Variants in ST8SIA1 observed in about 807,000 individuals in gnomAD.
ST8SIA1 encodes the protein ST8 alpha-N-acetyl-neuraminide alpha-2,8-sialyltransferase 1.
In ST8SIA1, 16 loss-of-function variants were observed where a neutral mutation model predicts 35.9. The observed-to-expected ratio is 0.45, with a 90% CI of 0.30 to 0.68. The LOEUF is 0.68. ST8SIA1 is among the 30% of genes least tolerant of loss of function. The probability of loss-of-function intolerance (pLI) is 0.09; values close to 1 mark genes in which losing one functional copy is unlikely to be tolerated. For synonymous variants in ST8SIA1, 170 were observed against 169.6 expected (o/e 1.00, Z -0.02); for missense variants, 383 against 453.6 (o/e 0.84, Z 1.41).
chr12:22,213,233 G>C (rs1865194549), intron 4 of ST8SIA1, among the ~76,000 whole-genome samples: 1 of 152,092 alleles, frequency 6.6e-6, no homozygotes, highest in Non-Finnish European at 1.5e-5. Context: ...CAGTTCTCAA[G>C]GAAGTGAATT....
intron 1 of ST8SIA1, among the ~76,000 whole-genome samples, chr12:22,301,868 G>C (rs1269575738): frequency 3.3e-5 from 5 of 151,986 alleles, no homozygotes; most frequent in Non-Finnish European, 7.4e-5. Context: ...CCAACTCATA[G>C]GTATTTGATG....
intron 1 of ST8SIA1, among the ~76,000 whole-genome samples, chr12:22,308,750 G>A (rs926850624): frequency 3.9e-5 from 6 of 152,032 alleles, no homozygotes; most frequent in African/African-American, 4.8e-5. Context: ...CATCCTGATC[G>A]CTGAAGCATT....
chr12:22,197,664 C>T lies in ST8SIA1; in HGVS notation c.*3888G>A, dbSNP rs947963559. On this transcript the variant is annotated 3_prime_UTR_variant, in exon 5 of 5. Coordinates refer to ENST00000396037, the MANE Select transcript of ST8SIA1 (RefSeq NM_003034.4). ...GGTATTTTTGGCAAATTTAAAATCC[C>T]AGGATTTTTTCAGTTATTTTCCATT... 4.6e-5 allele frequency: 7 copies of T among 152,128 alleles called. No homozygotes were observed. 9.4% of individuals were successfully genotyped at this position (152,128 alleles called of 1,614,324 possible). A position where few individuals can be genotyped will look rare whatever the true frequency, so the allele number is the denominator to read the frequency against.
intron 4 of ST8SIA1, among the ~76,000 whole-genome samples, chr12:22,213,408 T>C (rs1275294735): frequency 6.6e-6 from 1 of 152,206 alleles, no homozygotes; most frequent in Non-Finnish European, 1.5e-5. Flanking sequence ...TGCAAGCTTT[T>C]AAAATACTTG....
intron 2 of ST8SIA1, among the ~76,000 whole-genome samples, chr12:22,282,832 C>T (rs1174805731): frequency 6.6e-6 from 1 of 151,952 alleles, no homozygotes; most frequent in Non-Finnish European, 1.5e-5. Flanking sequence ...AGATATATGT[C>T]ACGGGAAATG....
intron 4 of ST8SIA1, among the ~76,000 whole-genome samples, chr12:22,224,830 A>G (rs1160783): frequency 0.64 from 96,768 of 151,998 alleles, 31,154 homozygotes; most frequent in South Asian, 0.82. Context: ...GATCCCCAGA[A>G]AGTTCACACC....
At chr12:22,249,716 T>G (rs1467681460) in intron 3 of ST8SIA1, among the ~76,000 whole-genome samples, 1 of 152,176 alleles carries the variant, frequency 6.6e-6, no homozygotes, top group Non-Finnish European at 1.5e-5. Flanking sequence ...TAGGAGGTAT[T>G]TATTCCATTC....
chr12:22,203,504 G>A (rs897196227), intron 4 of ST8SIA1, among the ~76,000 whole-genome samples: 5 of 152,210 alleles, frequency 3.3e-5, no homozygotes, highest in African/African-American at 1.2e-4. Context: ...AAGGCCAGAA[G>A]GAAGGGAAAT....
At chr12:22,301,514 G>A (rs1489450746) in intron 1 of ST8SIA1, among the ~76,000 whole-genome samples, 1 of 152,016 alleles carries the variant, frequency 6.6e-6, no homozygotes, top group African/African-American at 2.4e-5. Flanking sequence ...CTCTCCACCT[G>A]ATTTCTCCAG....
chr12:22,215,313 T>C (rs1183756795), intron 4 of ST8SIA1, among the ~76,000 whole-genome samples: 1 of 152,208 alleles, frequency 6.6e-6, no homozygotes, highest in Non-Finnish European at 1.5e-5. Flanking sequence ...TTTGGATTCA[T>C]TCACACTCCT....
intron 2 of ST8SIA1, among the ~76,000 whole-genome samples, chr12:22,264,381 G>A (rs1274616109): frequency 1.3e-5 from 2 of 152,064 alleles, no homozygotes; most frequent in East Asian, 3.9e-4. Context: ...TTCAGTTAAG[G>A]ACTGGCAAAT....
chr12:22,237,629 T>C (rs534092619), intron 4 of ST8SIA1, among the ~76,000 whole-genome samples: 2 of 151,958 alleles, frequency 1.3e-5, no homozygotes, highest in East Asian at 3.9e-4. Flanking sequence ...TTGTATAGTA[T>C]ACCATCAATA....
rs528322621 is a variant in ST8SIA1, at chr12:22,209,364, G to A, written c.585-7326C>T. ...GATGTAGAACTGCCAAATCCGAGAT[G>A]AGGAAATTCAAAGGGCCAATATGCA... On this transcript the variant is annotated intron_variant, in intron 4 of 4. Transcript: ENST00000396037. 1.1e-3 allele frequency among the ~76,000 whole-genome samples: 165 copies of A among 152,238 alleles called. 1 individual carries two copies. Among genetic ancestry groups the A allele is most frequent in the African/African-American group, 3.8e-3 (158 of 41,558 alleles).
Position 22,201,695 on chromosome 12 carries a change from G to A in ST8SIA1, c.928C>T (p.His310Tyr). 6.2e-7 allele frequency: 1 copy of A among 1,614,108 alleles called. No individual in the cohort carries two copies. The highest frequency in any genetic ancestry group is 8.5e-7 in the Non-Finnish European group (1 of 1,179,990). The change falls in exon 5 of 5, where the codon CAC becomes TAC. Residue 310 changes from histidine (H) to tyrosine (Y), a missense_variant. Physicochemically the swap from His to Tyr is moderately conservative, Grantham distance 83 (BLOSUM62 2). Transcript: ENST00000396037. The stretch of plus-strand genomic sequence containing the variant: ...AAGGGTAAGACGTTGTCATAGTAGT[G>A]GTGGCTGATGGGCTGCTCATGCATA... The part of the protein sequence containing the change: ...VNMHEQPISH[H>Y]YYDNVLPFSG...
intron 4 of ST8SIA1, among the ~76,000 whole-genome samples, chr12:22,224,875 A>T (rs1865337825): frequency 2.0e-5 from 3 of 152,202 alleles, no homozygotes; most frequent in Non-Finnish European, 2.9e-5. Flanking sequence ...TTATTTAGAA[A>T]CAGGATCTTT....
chr12:22,322,814 A>G (rs1402565338), intron 1 of ST8SIA1, among the ~76,000 whole-genome samples: 1 of 152,236 alleles, frequency 6.6e-6, no homozygotes, highest in Admixed American at 6.5e-5. Context: ...CCAGGTGGGT[A>G]TGATCTGCTG....
intron 4 of ST8SIA1, among the ~76,000 whole-genome samples, chr12:22,210,620 C>T (rs1865166754): frequency 6.6e-6 from 1 of 152,192 alleles, no homozygotes; most frequent in African/African-American, 2.4e-5. Flanking sequence ...GAACTTCTGA[C>T]CAGCTGGCTG....
intron 4 of ST8SIA1, among the ~76,000 whole-genome samples, chr12:22,231,253 A>T (rs1394879611): frequency 6.6e-6 from 1 of 151,376 alleles, no homozygotes; most frequent in Non-Finnish European, 1.5e-5. Context: ...TTTTCCAAAG[A>T]CCCATGTCCT....
intron 2 of ST8SIA1, among the ~76,000 whole-genome samples, chr12:22,261,661 G>T (rs1865793472): frequency 6.6e-6 from 1 of 151,996 alleles, no homozygotes; most frequent in South Asian, 2.1e-4. Flanking sequence ...TCCTTATATT[G>T]TAATGAATAT....
Sources: gnomAD v4.1 joint callset for allele counts (sites outside exome capture counted in the v4.1 genomes callset) on GRCh38, gnomAD v4.1.1 for gene constraint, MANE v1.5 for transcripts, NCBI Gene and HGNC (gene_info 2026-07-23, HGNC 2026-07-21) for gene names.